SLC2A13: variants seen among roughly 807,000 people sequenced by gnomAD.
SLC2A13 encodes solute carrier family 2 member 13.
SLC2A13 carries 32 observed loss-of-function variants against 64.4 expected under a neutral mutation model. The ratio of observed to expected loss-of-function variants is 0.50; its 90% CI spans 0.37 to 0.67. SLC2A13 has a LOEUF of 0.67. SLC2A13 is among the 30% of genes least tolerant of loss of function. The pLI is 0.00. For missense variants in SLC2A13, 743 were observed against 829.2 expected, an observed-to-expected ratio of 0.90 and a Z score of 1.28; for synonymous variants, 338 against 327.1, an observed-to-expected ratio of 1.03 and a Z score of -0.36.
intron 4 of SLC2A13, among the ~76,000 whole-genome samples, chr12:39,925,850 A>G (rs1016261899): frequency 6.6e-5 from 10 of 152,164 alleles, no homozygotes; most frequent in Non-Finnish European, 1.2e-4. Context: ...TTCCCACTCA[A>G]TATTTACCAG....
chr12:39,859,449 G>A (rs568674861), intron 6 of SLC2A13, among the ~76,000 whole-genome samples: 5 of 151,804 alleles, frequency 3.3e-5, no homozygotes, highest in African/African-American at 1.2e-4. Context: ...GAGGCTGACC[G>A]CTGGAAAGGG....
intron 6 of SLC2A13, among the ~76,000 whole-genome samples, chr12:39,834,445 C>A (rs1942949641): frequency 6.6e-6 from 1 of 152,038 alleles, no homozygotes; most frequent in Non-Finnish European, 1.5e-5. Context: ...AGGACCAACA[C>A]CAAGTCTCAC....
intron 4 of SLC2A13, among the ~76,000 whole-genome samples, chr12:39,875,866 A>T (rs1448119833): frequency 6.6e-6 from 1 of 152,218 alleles, no homozygotes; most frequent in Non-Finnish European, 1.5e-5. Flanking sequence ...CCTACCACTG[A>T]GTTTACAATC....
At chr12:39,891,478 A>C (rs1944606541) in intron 4 of SLC2A13, among the ~76,000 whole-genome samples, 3 of 152,286 alleles carry the variant, frequency 2.0e-5, no homozygotes, top group South Asian at 2.1e-4. Context: ...ATTTATCTTA[A>C]GAAAGCATAT....
chr12:39,874,560 A>G (rs1214159474), intron 4 of SLC2A13, among the ~76,000 whole-genome samples: 2 of 150,202 alleles, frequency 1.3e-5, no homozygotes, highest in East Asian at 4.0e-4. Flanking sequence ...GATTGCAGTG[A>G]GCCAAGATCA....
intron 1 of SLC2A13, among the ~76,000 whole-genome samples, chr12:40,085,660 G>A (rs929971686): frequency 6.6e-6 from 1 of 152,218 alleles, no homozygotes; most frequent in Non-Finnish European, 1.5e-5. Context: ...AGGGGCCTAA[G>A]TAGGTGGCAG....
intron 3 of SLC2A13, among the ~76,000 whole-genome samples, chr12:40,007,141 T>C (rs1947436215): frequency 6.6e-6 from 1 of 152,202 alleles, no homozygotes. Context: ...ACCTTTGCTC[T>C]GTGGCTGAGA....
chr12:39,972,162 A>C (rs985269962), intron 3 of SLC2A13, among the ~76,000 whole-genome samples: 3 of 117,446 alleles, frequency 2.6e-5, no homozygotes, highest in Non-Finnish European at 3.6e-5. Context: ...TTTCAGAGTT[A>C]CCAGTGAAAA....
intron 1 of SLC2A13, among the ~76,000 whole-genome samples, chr12:40,081,539 G>C (rs559167250): frequency 2.0e-5 from 3 of 152,106 alleles, no homozygotes; most frequent in Non-Finnish European, 4.4e-5. Context: ...TAGAAGAACA[G>C]TTTCTTTCTT....
intron 4 of SLC2A13, among the ~76,000 whole-genome samples, chr12:39,947,697 G>GTCAC (rs1946160692): frequency 7.1e-6 from 1 of 141,216 alleles, no homozygotes; most frequent in Non-Finnish European, 1.5e-5. Flanking sequence ...GTGTCGCTCA[G>GTCAC]TCGCCCAGGC....
intron 4 of SLC2A13, among the ~76,000 whole-genome samples, chr12:39,933,696 A>G (rs1945869065): frequency 6.6e-6 from 1 of 152,190 alleles, no homozygotes; most frequent in South Asian, 2.1e-4. Flanking sequence ...TAGTGCTAAG[A>G]CTTGCAAAAG....
intron 2 of SLC2A13, among the ~76,000 whole-genome samples, chr12:40,031,545 A>T (rs1947906179): frequency 6.6e-6 from 1 of 152,148 alleles, no homozygotes; most frequent in South Asian, 2.1e-4. Flanking sequence ...TTTAACACAC[A>T]GGTGACAGTA....
At chr12:40,004,612 A>AT (rs34482120) in intron 3 of SLC2A13, among the ~76,000 whole-genome samples, 40,483 of 144,892 alleles carry the variant, frequency 0.28, 5,549 homozygotes, top group African/African-American at 0.32. Context: ...TAAAGGACAG[A>AT]TTTTTTTTTT....
intron 3 of SLC2A13, among the ~76,000 whole-genome samples, chr12:39,980,064 A>G (rs1023456787): frequency 1.3e-4 from 20 of 152,186 alleles, no homozygotes; most frequent in Admixed American, 2.6e-4. Flanking sequence ...TTTCATATCC[A>G]GCCAAACAAA....
intron 1 of SLC2A13, among the ~76,000 whole-genome samples, chr12:40,062,971 A>G (rs1005326609): frequency 2.0e-5 from 3 of 152,154 alleles, no homozygotes; most frequent in Non-Finnish European, 4.4e-5. Flanking sequence ...TATCTATTTT[A>G]CAAGTTGTTT....
At chr12:39,802,930 G>A (rs1442549161) in intron 7 of SLC2A13, among the ~76,000 whole-genome samples, 2 of 152,122 alleles carry the variant, frequency 1.3e-5, no homozygotes, top group Non-Finnish European at 2.9e-5. Flanking sequence ...AAAGCCCTCT[G>A]GGAAGGGCAA....
chr12:39,904,841 A>G (rs1945224250), intron 4 of SLC2A13, among the ~76,000 whole-genome samples: 1 of 152,100 alleles, frequency 6.6e-6, no homozygotes, highest in South Asian at 2.1e-4. Context: ...CCCAAGATGG[A>G]AATGTGCCCT....
intron 7 of SLC2A13, among the ~76,000 whole-genome samples, chr12:39,829,104 T>A (rs1942774078): frequency 6.6e-6 from 1 of 152,102 alleles, no homozygotes; most frequent in African/African-American, 2.4e-5. Context: ...TTTATAGGAA[T>A]TTAAAACACA....
intron 3 of SLC2A13, among the ~76,000 whole-genome samples, chr12:39,987,810 T>A (rs1036244998): frequency 1.3e-5 from 2 of 152,206 alleles, no homozygotes; most frequent in African/African-American, 4.8e-5. Flanking sequence ...TTGTGAGTGC[T>A]TATTTTGTAT....
Sources: gnomAD v4.1 joint callset for allele counts (sites outside exome capture counted in the v4.1 genomes callset) on GRCh38, gnomAD v4.1.1 for gene constraint, MANE v1.5 for transcripts, NCBI Gene and HGNC (gene_info 2026-07-23, HGNC 2026-07-21) for gene names.